KCNT1: variants seen among roughly 807,000 people sequenced by gnomAD.
KCNT1 encodes potassium channel subfamily T member 1.
In KCNT1, 78 loss-of-function variants were observed where a neutral mutation model predicts 147.8. That is an observed-to-expected ratio of 0.53 (90% CI 0.44 to 0.64). The LOEUF (loss-of-function observed/expected upper bound fraction) is 0.64, where lower values mean the gene tolerates loss of function less well. Ranked by LOEUF, KCNT1 falls within the 30% of genes least tolerant of loss-of-function variation. KCNT1 has a pLI of 0.00. For missense variants in KCNT1, 1,419 were observed against 1,750.3 expected, an observed-to-expected ratio of 0.81 and a Z score of 3.38; for synonymous variants, 867 against 748.8, an observed-to-expected ratio of 1.16 and a Z score of -2.58.
chr9:135,778,958 C>A (rs1833388388), intron 23 of KCNT1, 136 bp downstream of exon 23: 1 of 1,058,822 alleles, frequency 9.4e-7, no homozygotes, highest in Non-Finnish European at 1.3e-6. Flanking sequence ...GGCCCTCGCC[C>A]TGAGACCGCC....
rs572059153 is a variant in KCNT1 at position 135,784,006 on chromosome 9, G to A, written c.2842-18G>A. ...GGACCTCGGCACCAGCCCATCTGAG[G>A]CCCCTCCTTTCCCACAGAGGGAGCG... On this transcript the variant is annotated intron_variant, in intron 24 of 30. Coordinates refer to ENST00000371757, the MANE Select transcript of KCNT1 (RefSeq NM_020822.3). 3 of 1,601,638 alleles carry A rather than the reference G, an allele frequency of 1.9e-6. No homozygotes were observed. The highest frequency in any genetic ancestry group is 2.6e-6 in the Non-Finnish European group (3 of 1,176,046).
chr9:135,768,701 C>T (rs368884576), intron 14 of KCNT1, 28 bp downstream of exon 14: 35 of 1,544,876 alleles, frequency 2.3e-5, no homozygotes, highest in Non-Finnish European at 2.9e-5. Flanking sequence ...CCTGCCCAGG[C>T]GGGAGGGGCA....
chr9:135,707,022 T>C (rs1409014391), intron 1 of KCNT1, among the ~76,000 whole-genome samples: 1 of 151,342 alleles, frequency 6.6e-6, no homozygotes, highest in African/African-American at 2.4e-5. Flanking sequence ...CGGTGGGTCA[T>C]GCCTGTGATC....
At chr9:135,735,642 C>G (rs1048668041) in intron 2 of KCNT1, among the ~76,000 whole-genome samples, 1 of 152,062 alleles carries the variant, frequency 6.6e-6, no homozygotes, top group African/African-American at 2.4e-5. Flanking sequence ...TCAGGGGGTC[C>G]TAGGCCCACC....
Position 135,784,636 on chromosome 9 carries a change from C to T in KCNT1, c.3027+18C>T, listed in dbSNP as rs369541323. 524 of 1,610,846 alleles carry T rather than the reference C, an allele frequency of 3.3e-4. No individual in the cohort carries two copies. Among genetic ancestry groups the T allele is most frequent in the Non-Finnish European group, 3.9e-4 (465 of 1,178,652 alleles). Reference sequence around the variant, plus strand: ...TCTGTGCCGTAAGTGCCCCTGGCTGCGCTGGGCTGGGGGCGTGCTGGGCTG... The same window carrying T: ...TCTGTGCCGTAAGTGCCCCTGGCTGTGCTGGGCTGGGGGCGTGCTGGGCTG... On this transcript the variant is annotated intron_variant, in intron 26 of 30. Transcript: ENST00000371757.
intron 2 of KCNT1, among the ~76,000 whole-genome samples, chr9:135,741,996 G>T (rs1452140751): frequency 6.7e-6 from 1 of 150,144 alleles, no homozygotes. Flanking sequence ...TCCGAGTTCC[G>T]AATCCAGTGC....
At chr9:135,745,707 T>C (rs2131394875) in intron 2 of KCNT1, among the ~76,000 whole-genome samples, 1 of 152,374 alleles carries the variant, frequency 6.6e-6, no homozygotes, top group East Asian at 1.9e-4. Flanking sequence ...GTCCCTGTCC[T>C]GGTTCCCATT....
At chr9:135,787,971 C>T (rs953201629) in intron 29 of KCNT1, 18 of 721,206 alleles carry the variant, frequency 2.5e-5, no homozygotes, top group Middle Eastern at 2.6e-4. Context: ...GTGACCGACT[C>T]GCTTCTGGTG....
At chr9:135,786,897 G>A (rs946840549) in intron 29 of KCNT1, among the ~76,000 whole-genome samples, 2 of 152,240 alleles carry the variant, frequency 1.3e-5, no homozygotes, top group Non-Finnish European at 2.9e-5. Flanking sequence ...TTTGGCCAGG[G>A]GAGGCAGCTG....
At chr9:135,761,385 C>T (rs547332153) in intron 11 of KCNT1, among the ~76,000 whole-genome samples, 58 of 152,304 alleles carry the variant, frequency 3.8e-4, no homozygotes, top group African/African-American at 1.3e-3. Context: ...CCTTTCTCTG[C>T]GCATTTCATA....
At chr9:135,716,609 C>G (rs994466455) in intron 2 of KCNT1, among the ~76,000 whole-genome samples, 3 of 152,182 alleles carry the variant, frequency 2.0e-5, no homozygotes, top group African/African-American at 4.8e-5. Flanking sequence ...GCCCCCTTAT[C>G]CCCCAGCCCC....
chr9:135,714,171 TG>T lies in KCNT1; in HGVS notation c.111-402del. 1.1e-5 allele frequency among the ~76,000 whole-genome samples: 1 copy of T among 88,602 alleles called. No homozygotes were observed. Among genetic ancestry groups the T allele is most frequent in the African/African-American group, 3.9e-5 (1 of 25,568 alleles). The allele number at this position is 88,602 out of a possible 152,430, so 58.1% of individuals were successfully genotyped here. A position where few individuals can be genotyped will look rare whatever the true frequency, so the allele number is the denominator to read the frequency against. On this transcript the variant is annotated intron_variant, in intron 1 of 30. Coordinates refer to ENST00000371757, the MANE Select transcript of KCNT1 (RefSeq NM_020822.3). The surrounding 1 kb of genome is among the most constrained non-coding windows in gnomAD (Gnocchi z 6.2). ...AGACCCTGGGGACGGGGAGGGGAGC[TG>T]GGGAGTTGGGAGGGGTTGCAGGGGT...
chr9:135,774,420 C>A (rs200459338), intron 19 of KCNT1, among the ~76,000 whole-genome samples: 1 of 84,618 alleles, frequency 1.2e-5, no homozygotes, highest in African/African-American at 5.5e-5. Context: ...TGGTGTGTGT[C>A]TGTGTGTTGT....
rs755838122 is a variant in KCNT1, at chr9:135,779,359, G to GCTCTTCCCCAGC, written c.2734_2745dup (p.Phe912_Leu915dup). 13 of 1,610,856 alleles carry GCTCTTCCCCAGC rather than the reference G, an allele frequency of 8.1e-6. No homozygotes were observed. Among genetic ancestry groups the GCTCTTCCCCAGC allele is most frequent in the East Asian group, 2.2e-5 (1 of 44,840 alleles). On this transcript the variant is annotated inframe_insertion and splice_region_variant, in exon 24 of 31. Coordinates refer to ENST00000371757, the MANE Select transcript of KCNT1 (RefSeq NM_020822.3). ...GCCCTGAGCCGCCTGCCTCCCCCAG[G>GCTCTTCCCCAGC]CTCTTCCCCAGCCTCAGCATCACCA...
chr9:135,706,123 C>T (rs1005412013), intron 1 of KCNT1, among the ~76,000 whole-genome samples: 6 of 152,210 alleles, frequency 3.9e-5, no homozygotes, highest in African/African-American at 1.4e-4. Context: ...GTCACTTCAC[C>T]TCTCTGGGCC....
chr9:135,725,825 C>T (rs1330290708), intron 2 of KCNT1, among the ~76,000 whole-genome samples: 2 of 152,176 alleles, frequency 1.3e-5, no homozygotes, highest in African/African-American at 2.4e-5. Context: ...TTTGCCTGGG[C>T]GTGTCCTAAG....
At chr9:135,766,465 C>A (rs141742176) in intron 13 of KCNT1, among the ~76,000 whole-genome samples, 1 of 151,160 alleles carries the variant, frequency 6.6e-6, no homozygotes, top group Admixed American at 6.6e-5. Flanking sequence ...TCATCAGGGG[C>A]GGACCGTCTG....
chr9:135,785,354 G>A (rs776701057), intron 28 of KCNT1, 24 bp downstream of exon 28: 58 of 1,612,756 alleles, frequency 3.6e-5, no homozygotes, highest in Middle Eastern at 3.3e-4. Context: ...CCGTGCCCAC[G>A]CAGCTTCTGC....
chr9:135,733,183 G>T (rs1284172205), intron 2 of KCNT1, among the ~76,000 whole-genome samples: 15 of 142,068 alleles, frequency 1.1e-4, no homozygotes, highest in Admixed American at 9.3e-4. Flanking sequence ...CCTCATACCT[G>T]CCCCCGCACC....
Sources: allele counts gnomAD v4.1 joint callset (sites outside exome capture counted in the v4.1 genomes callset), GRCh38; gene constraint gnomAD v4.1.1; non-coding constraint Gnocchi (gnomAD v3.1); transcripts MANE v1.5; gene names NCBI Gene and HGNC (gene_info 2026-07-23, HGNC 2026-07-21).